Variants in CTCF observed in about 807,000 individuals in gnomAD.
CTCF encodes the protein transcriptional repressor CTCF.
CTCF carries 7 observed loss-of-function variants against 72.3 expected under a neutral mutation model. The observed-to-expected ratio is 0.10, with a 90% confidence interval of 0.06 to 0.18. The LOEUF is 0.18. CTCF is among the 10% of genes least tolerant of loss of function. The probability of loss-of-function intolerance (pLI) is 1.00; values close to 1 mark genes in which losing one functional copy is unlikely to be tolerated. For synonymous variants in CTCF, 374 were observed against 315.8 expected, an observed-to-expected ratio of 1.18 and a Z score of -1.95; for missense variants, 516 against 949.1, an observed-to-expected ratio of 0.54 and a Z score of 6.00.
At chr16:67,615,068 G>A (rs751220172) in intron 4 of CTCF, 1 of 152,318 alleles carries the variant, frequency 6.6e-6, no homozygotes, top group African/African-American at 2.4e-5. Flanking sequence ...CTTCAACCTG[G>A]AAGGTAGAGG....
At chr16:67,594,412 GAC>G (rs1260464976) in intron 2 of CTCF, among the ~76,000 whole-genome samples, 1 of 150,254 alleles carries the variant, frequency 6.7e-6, no homozygotes, top group East Asian at 2.0e-4. Context: ...TGTAAGAATT[GAC>G]ACAGGCTAGT....
At chr16:67,578,863 G>C (rs1403924829) in intron 2 of CTCF, among the ~76,000 whole-genome samples, 1 of 151,588 alleles carries the variant, frequency 6.6e-6, no homozygotes, top group Non-Finnish European at 1.5e-5. Context: ...CAGGAGAATC[G>C]CTTCAACCCG....
intron 2 of CTCF, among the ~76,000 whole-genome samples, chr16:67,589,685 A>C (rs2051712900): frequency 6.6e-6 from 1 of 152,214 alleles, no homozygotes; most frequent in South Asian, 2.1e-4. Flanking sequence ...GCTTTAGCAC[A>C]GTACTGATTG....
Position 67,637,877 on chromosome 16 carries a change from G to A in CTCF, c.*5G>A, listed in dbSNP as rs769745945. The A allele has an allele frequency of 5.0e-6, 8 of 1,600,364 alleles. No individual in the cohort carries two copies. The highest frequency in any genetic ancestry group is 4.5e-5 in the East Asian group (2 of 44,644). ...CTCAGCATGATGGACCGGTGATGGC[G>A]GAGCCTTGTGCGTCGCCAGGACTTC... On this transcript the variant is annotated 3_prime_UTR_variant, in exon 12 of 12. Transcript: ENST00000264010.
chr16:67,574,038 A>G (rs2051460993), intron 2 of CTCF, among the ~76,000 whole-genome samples: 1 of 152,034 alleles, frequency 6.6e-6, no homozygotes, highest in Non-Finnish European at 1.5e-5. Context: ...TCAAAAAAAA[A>G]AAGACTTACG....
At chr16:67,608,018 C>CAAA (rs549111284) in intron 2 of CTCF, among the ~76,000 whole-genome samples, 11 of 105,798 alleles carry the variant, frequency 1.0e-4, no homozygotes, top group African/African-American at 2.5e-4. Flanking sequence ...GACTCCGACT[C>CAAA]AAAAAAAAAA....
At chr16:67,604,738 T>G (rs369499849) in intron 2 of CTCF, among the ~76,000 whole-genome samples, 4,768 of 135,906 alleles carry the variant, frequency 0.035, 118 homozygotes, top group Non-Finnish European at 0.048. Context: ...GGGTTTTTTT[T>G]TTTTTTGTTT....
intron 2 of CTCF, among the ~76,000 whole-genome samples, chr16:67,607,602 G>A (rs1176736659): frequency 6.6e-6 from 1 of 151,858 alleles, no homozygotes; most frequent in South Asian, 2.1e-4. Flanking sequence ...TACCGTGCCC[G>A]GCCCATTCAC....
At chr16:67,631,909 A>C (rs897955372) in intron 10 of CTCF, among the ~76,000 whole-genome samples, 1 of 151,472 alleles carries the variant, frequency 6.6e-6, no homozygotes, top group African/African-American at 2.4e-5. Flanking sequence ...CCTGTTATCT[A>C]CAAAAAAATA....
At chr16:67,564,669 G>A (rs919058881) in intron 1 of CTCF, among the ~76,000 whole-genome samples, 4 of 152,126 alleles carry the variant, frequency 2.6e-5, no homozygotes, top group African/African-American at 9.7e-5. Context: ...TGGTTAAGTA[G>A]CATGTTTTAT....
chr16:67,579,368 T>A (rs1156713765), intron 2 of CTCF, among the ~76,000 whole-genome samples: 1 of 152,030 alleles, frequency 6.6e-6, no homozygotes. Flanking sequence ...TGTTTTTTTT[T>A]TATTTGAGAC....
Position 67,620,740 on chromosome 16 carries a change from G to A in CTCF, c.1130G>A (p.Arg377His), listed in dbSNP as rs968244943. The A allele has an allele frequency of 1.9e-6, 3 of 1,600,090 alleles. No individual in the cohort carries two copies. The highest frequency in any genetic ancestry group is 2.6e-6 in the Non-Finnish European group (3 of 1,169,358). Residue 377 changes from arginine to histidine, a missense_variant, in exon 6 of 12, where the codon CGT (arginine) becomes CAT (histidine). By Grantham distance (29) the Arg-to-His change is conservative (BLOSUM62 0). Coordinates refer to ENST00000264010, the MANE Select transcript of CTCF (RefSeq NM_006565.4). ...KRHIRSHTGE[R>H]PFQCSLCSYA... ...CACATTCGCTCTCATACTGGAGAGCGTCCGTTTCAGTGCAGTTTGTGCAGT... is the reference window on the plus strand; with the variant it reads ...CACATTCGCTCTCATACTGGAGAGCATCCGTTTCAGTGCAGTTTGTGCAGT...
chr16:67,620,983 C>T, intron 6 of CTCF, 166 bp downstream of exon 6: 3 of 516,514 alleles, frequency 5.8e-6, no homozygotes, highest in South Asian at 7.1e-5. Flanking sequence ...ATTCGTTGTT[C>T]AGAAAACACA....
chr16:67,606,562 G>C (rs1016160121), intron 2 of CTCF, among the ~76,000 whole-genome samples: 2 of 151,782 alleles, frequency 1.3e-5, no homozygotes, highest in East Asian at 1.9e-4. Flanking sequence ...CATTCTCTCT[G>C]TAGTAGTTCT....
In CTCF at chr16:67,637,725, T is replaced by A; in HGVS notation, c.2037T>A (p.Gly679=). ...TTCAGGTTGAAGACCAGAATACAGG[T>A]GCAATTGAGAACATTATAGTTGAAG... ...AIIQVEDQNT[G]AIENIIVEVK... is the part of the protein sequence containing the mutation. The change falls in exon 12 of 12, where the codon GGT becomes GGA. Residue 679 remains glycine, a synonymous_variant. Transcript: ENST00000264010. 5 of 1,613,826 alleles carry A rather than the reference T, an allele frequency of 3.1e-6. No individual in the cohort carries two copies. The highest frequency in any genetic ancestry group is 4.2e-6 in the Non-Finnish European group (5 of 1,179,942).
intron 2 of CTCF, among the ~76,000 whole-genome samples, chr16:67,576,163 C>A (rs9783752): frequency 0.051 from 6,405 of 125,460 alleles, 459 homozygotes; most frequent in African/African-American, 0.18. Context: ...AAAAAAAAAA[C>A]GGAAGGCTGT....
Position 67,636,804 on chromosome 16 carries a change from G to A in CTCF, c.1952G>A (p.Arg651Gln), listed in dbSNP as rs890921910. 4 of 1,600,150 alleles carry A rather than the reference G, an allele frequency of 2.5e-6. No homozygotes were observed. The highest frequency in any genetic ancestry group is 2.6e-6 in the Non-Finnish European group (3 of 1,173,118). ...CCAGCCCCACCACCCGCCAAGAAGC[G>A]GAGAGGACGACCCCCTGGCAGAACC... ...VTPAPPPAKK[R>Q]RGRPPGRTNQ... The change falls in exon 11 of 12, where the codon CGG becomes CAG. Residue 651 changes from arginine (R) to glutamine (Q), a missense_variant. Transcript: ENST00000264010.
intron 2 of CTCF, among the ~76,000 whole-genome samples, chr16:67,581,411 C>T (rs1282968363): frequency 6.6e-6 from 1 of 151,882 alleles, no homozygotes; most frequent in Non-Finnish European, 1.5e-5. Context: ...CTACCTCTGC[C>T]TCCTGGGGTC....
At chr16:67,609,622 TTC>T (rs2052030291) in intron 2 of CTCF, among the ~76,000 whole-genome samples, 1 of 150,942 alleles carries the variant, frequency 6.6e-6, no homozygotes, top group Admixed American at 6.6e-5. Flanking sequence ...GGCCTGATAA[TTC>T]TTTTTTTTTT....
Sources: allele counts gnomAD v4.1 joint callset (sites outside exome capture counted in the v4.1 genomes callset), GRCh38; gene constraint gnomAD v4.1.1; transcripts MANE v1.5; gene names NCBI Gene and HGNC (gene_info 2026-07-23, HGNC 2026-07-21).